The following MTHFD1L variants were observed in gnomAD, a reference collection of about 807,000 sequenced individuals.
MTHFD1L encodes methylenetetrahydrofolate dehydrogenase (NADP+ dependent) 1 like.
A neutral mutation model predicts 119.5 loss-of-function variants in MTHFD1L; 81 were observed. That is an observed-to-expected ratio of 0.68 (90% CI 0.57 to 0.82). The LOEUF is 0.82. Ranked by LOEUF, MTHFD1L falls within the 40% of genes least tolerant of loss-of-function variation. The pLI is 0.00. For missense variants in MTHFD1L, 1,125 were observed against 1,253.4 expected, an observed-to-expected ratio of 0.90 and a Z score of 1.55; for synonymous variants, 430 against 475.2, an observed-to-expected ratio of 0.90 and a Z score of 1.24.
At chr6:150,972,127 G>A in intron 20 of MTHFD1L, 69 bp downstream of exon 20, 1 of 1,330,416 alleles carries the variant, frequency 7.5e-7, no homozygotes, top group Non-Finnish European at 1.1e-6. Context: ...TGACTGGAAT[G>A]GAGTGATATC....
chr6:150,967,587 A>G (rs1401613443), intron 19 of MTHFD1L, among the ~76,000 whole-genome samples: 1 of 152,094 alleles, frequency 6.6e-6, no homozygotes, highest in Non-Finnish European at 1.5e-5. Context: ...ACTTCCTTCC[A>G]GCTCGCTGCT....
intron 5 of MTHFD1L, 33 bp downstream of exon 5, chr6:150,882,919 T>A: frequency 6.5e-7 from 1 of 1,539,220 alleles, no homozygotes; most frequent in Non-Finnish European, 8.7e-7. Context: ...TCAACCTTTA[T>A]GGCTAAATCA....
intron 25 of MTHFD1L, among the ~76,000 whole-genome samples, chr6:151,035,408 C>T (rs1786018869): frequency 6.6e-6 from 1 of 152,220 alleles, no homozygotes; most frequent in African/African-American, 2.4e-5. Context: ...AAATCTCCAA[C>T]TCCTTATTCT....
Position 150,876,165 on chromosome 6 carries a change from A to G in MTHFD1L, c.303A>G (p.Ala101=). The change falls in exon 2 of 28, where the codon GCA becomes GCG. Residue 101 remains alanine, a synonymous_variant. Coordinates refer to ENST00000367321, the MANE Select transcript of MTHFD1L (RefSeq NM_015440.5). ...ACCCTGCCTTCAAGCCGGTTCTTGC[A>G]ATTATCCAGGTAAGCCGAGAACAAG... ...EKNPAFKPVL[A]IIQAGDDNLM... 1.9e-6 allele frequency: 3 copies of G among 1,592,294 alleles called. No individual in the cohort carries two copies. The highest frequency in any genetic ancestry group is 2.6e-6 in the Non-Finnish European group (3 of 1,170,154).
rs1228301920 is a variant in MTHFD1L, at chr6:151,044,848, C to T, written c.2847+7731C>T. Among the ~76,000 whole-genome samples the T allele has an allele frequency of 2.6e-5, 4 of 152,236 alleles. No homozygotes were observed. The East Asian group carries it at 7.7e-4, about 29-fold the overall frequency. On this transcript the variant is annotated intron_variant, in intron 26 of 27. Transcript: ENST00000367321. ...TTTGGGGCATCAGTGATGTCACCCG[C>T]TACAAATGCTGGGTGGGGTTACTGG...
intron 20 of MTHFD1L, among the ~76,000 whole-genome samples, chr6:150,998,820 TACA>T (rs1780177814): frequency 1.8e-5 from 1 of 54,754 alleles, no homozygotes; most frequent in Admixed American, 2.3e-4. Flanking sequence ...CCTCTAAAAA[TACA>T]AAAAAAAAAA....
intron 25 of MTHFD1L, among the ~76,000 whole-genome samples, chr6:151,036,256 T>C (rs1786146093): frequency 6.6e-6 from 1 of 152,080 alleles, no homozygotes; most frequent in African/African-American, 2.4e-5. Context: ...ATCTCTATTT[T>C]TATTTTTTTT....
At chr6:151,031,132 A>C (rs1584229525) in intron 24 of MTHFD1L, among the ~76,000 whole-genome samples, 1 of 152,330 alleles carries the variant, frequency 6.6e-6, no homozygotes, top group East Asian at 1.9e-4. Flanking sequence ...TTCAGCTTAT[A>C]CAGAACCCTC....
intron 1 of MTHFD1L, among the ~76,000 whole-genome samples, chr6:150,867,951 C>T (rs6929882): frequency 0.057 from 8,717 of 151,990 alleles, 531 homozygotes; most frequent in East Asian, 0.25. Context: ...GAGCACGCCA[C>T]CACGCCCGGC....
intron 24 of MTHFD1L, among the ~76,000 whole-genome samples, chr6:151,026,316 G>A (rs1015327723): frequency 3.3e-5 from 5 of 152,182 alleles, no homozygotes; most frequent in South Asian, 2.1e-4. Flanking sequence ...TGCTCTGTGC[G>A]AGAGACTGTG....
chr6:151,059,016 A>C (rs1433886315), intron 26 of MTHFD1L, among the ~76,000 whole-genome samples: 1 of 151,972 alleles, frequency 6.6e-6, no homozygotes, highest in East Asian at 1.9e-4. Context: ...TTTTAATCAA[A>C]GTTGAGGCAG....
At chr6:150,954,670 CA>C (rs1025318719) in intron 16 of MTHFD1L, among the ~76,000 whole-genome samples, 81 of 140,736 alleles carry the variant, frequency 5.8e-4, no homozygotes, top group Non-Finnish European at 5.9e-4. Context: ...GCCTGCATGA[CA>C]AAAAAAAAAA....
At position 151,090,888 on chromosome 6, in the gene MTHFD1L, A is replaced by C. The variant is rs111626200; in HGVS notation, c.2848-1579A>C. Among the ~76,000 whole-genome samples, 12 of 126,326 alleles carry C rather than the reference A, an allele frequency of 9.5e-5. No individual in the cohort carries two copies. In the East Asian group the frequency reaches 1.3e-3, roughly 14 times the overall value. 82.9% of individuals were successfully genotyped at this position (126,326 alleles called of 152,430 possible). A position where few individuals can be genotyped will look rare whatever the true frequency, so the allele number is the denominator to read the frequency against. ...AGCATCGCCCCATGCGACTGGGTGC[A>C]GCATTGCCCCATGCGACTGGGTGCA... On this transcript the variant is annotated intron_variant, in intron 26 of 27. Coordinates refer to ENST00000367321, the MANE Select transcript of MTHFD1L (RefSeq NM_015440.5).
At chr6:151,008,086 A>C (rs1781650665) in intron 20 of MTHFD1L, among the ~76,000 whole-genome samples, 1 of 152,224 alleles carries the variant, frequency 6.6e-6, no homozygotes, top group Non-Finnish European at 1.5e-5. Flanking sequence ...GTAATTTGAA[A>C]GAGATTAAAG....
chr6:150,977,499 A>G (rs1212876903), intron 20 of MTHFD1L, among the ~76,000 whole-genome samples: 1 of 152,196 alleles, frequency 6.6e-6, no homozygotes, highest in Non-Finnish European at 1.5e-5. Flanking sequence ...TTCCATTTAC[A>G]TGCTGTAAAG....
At position 151,032,102 on chromosome 6, in the gene MTHFD1L, T is replaced by C. The variant is rs184468746; in HGVS notation, c.2587-2391T>C. On this transcript the variant is annotated intron_variant, in intron 24 of 27. Transcript: ENST00000367321. ...TAGCTAGTAGAAAAGTCCTCTTTCT[T>C]TGTTCTTTTGGTTTTGTTTTATTTT... Among the ~76,000 whole-genome samples, 6 of 152,350 alleles carry C rather than the reference T, an allele frequency of 3.9e-5. No individual in the cohort carries two copies. The East Asian group carries it at 1.2e-3, about 29-fold the overall frequency.
intron 26 of MTHFD1L, among the ~76,000 whole-genome samples, chr6:151,084,396 A>T (rs1468036310): frequency 6.6e-6 from 1 of 152,170 alleles, no homozygotes. Context: ...CGTTGTCTGA[A>T]AACATGAAGA....
intron 24 of MTHFD1L, among the ~76,000 whole-genome samples, chr6:151,022,932 G>A (rs1307317941): frequency 6.6e-6 from 1 of 151,982 alleles, no homozygotes. Context: ...GCTTCAACAA[G>A]CCTCCCATAA....
chr6:151,027,031 A>T (rs1315727106), intron 24 of MTHFD1L, among the ~76,000 whole-genome samples: 1 of 151,446 alleles, frequency 6.6e-6, no homozygotes, highest in Non-Finnish European at 1.5e-5. Context: ...GGGTTTCACC[A>T]TGTTGGCCAG....
Sources: gnomAD v4.1 joint callset for allele counts (sites outside exome capture counted in the v4.1 genomes callset) on GRCh38, gnomAD v4.1.1 for gene constraint, MANE v1.5 for transcripts, NCBI Gene and HGNC (gene_info 2026-07-23, HGNC 2026-07-21) for gene names.